RBMS3: variants seen among roughly 807,000 people sequenced by gnomAD.
RBMS3 encodes RNA-binding motif, single-stranded-interacting protein 3.
In RBMS3, 27 loss-of-function variants were observed where a neutral mutation model predicts 66.8. The observed-to-expected ratio is 0.40, with a 90% CI of 0.30 to 0.56. The LOEUF is 0.56. Among genes scored for constraint, RBMS3 ranks in the 20% least tolerant of loss-of-function variants. The pLI is 0.40. For missense variants in RBMS3, 513 were observed against 549.5 expected, an observed-to-expected ratio of 0.93 and a Z score of 0.66; for synonymous variants, 188 against 183.0, an observed-to-expected ratio of 1.03 and a Z score of -0.22.
chr3:29,634,280 G>A (rs1385730021), intron 4 of RBMS3, among the ~76,000 whole-genome samples: 1 of 151,858 alleles, frequency 6.6e-6, no homozygotes, highest in Non-Finnish European at 1.5e-5. Context: ...ATGTGCAATT[G>A]TCTGTGTTAA....
At chr3:29,875,654 T>A (rs2059595431) in intron 7 of RBMS3, among the ~76,000 whole-genome samples, 1 of 152,202 alleles carries the variant, frequency 6.6e-6, no homozygotes, top group Non-Finnish European at 1.5e-5. Flanking sequence ...AACACTGTTT[T>A]GTCTTTTTTA....
intron 7 of RBMS3, among the ~76,000 whole-genome samples, chr3:29,874,888 A>G (rs1241941936): frequency 6.6e-5 from 10 of 152,118 alleles, no homozygotes; most frequent in African/African-American, 2.4e-4. Flanking sequence ...AAATCCCTGT[A>G]CTAGTGTAAG....
chr3:29,903,927 A>G (rs910395402), intron 10 of RBMS3, among the ~76,000 whole-genome samples: 1 of 151,996 alleles, frequency 6.6e-6, no homozygotes, highest in African/African-American at 2.4e-5. Context: ...AAGAGAAAAT[A>G]TAAACTTCTT....
At chr3:29,803,955 AT>A (rs1357801296) in intron 6 of RBMS3, among the ~76,000 whole-genome samples, 2 of 151,974 alleles carry the variant, frequency 1.3e-5, no homozygotes, top group African/African-American at 2.4e-5. Context: ...TTCTATCTGT[AT>A]TTTTTTCTAA....
At chr3:29,377,091 G>GAA (rs149832447) in intron 1 of RBMS3, among the ~76,000 whole-genome samples, 101 of 138,898 alleles carry the variant, frequency 7.3e-4, no homozygotes, top group African/African-American at 2.4e-3. Context: ...CTCTGTCTCA[G>GAA]AAAAAAAAAA....
intron 12 of RBMS3, among the ~76,000 whole-genome samples, chr3:29,944,695 G>C (rs1040918778): frequency 6.6e-6 from 1 of 151,702 alleles, no homozygotes; most frequent in Non-Finnish European, 1.5e-5. Context: ...CATCCCATTT[G>C]CTTGCTCAGC....
At chr3:29,740,470 G>A (rs921296948) in intron 5 of RBMS3, among the ~76,000 whole-genome samples, 1 of 152,090 alleles carries the variant, frequency 6.6e-6, no homozygotes, top group Admixed American at 6.5e-5. Flanking sequence ...TCCTTTCATT[G>A]TAAGAAAAGG....
chr3:29,361,386 TC>T (rs1204761979), intron 1 of RBMS3, among the ~76,000 whole-genome samples: 1 of 152,212 alleles, frequency 6.6e-6, no homozygotes, highest in African/African-American at 2.4e-5. Flanking sequence ...CCCACTCTCT[TC>T]TGGCTTGTAG....
intron 1 of RBMS3, among the ~76,000 whole-genome samples, chr3:29,390,551 A>AC (rs2039241868): frequency 6.9e-6 from 1 of 144,458 alleles, no homozygotes; most frequent in Non-Finnish European, 1.5e-5. Flanking sequence ...ATCAAAGTTT[A>AC]TTTAAAAAAA....
intron 1 of RBMS3, among the ~76,000 whole-genome samples, chr3:29,383,329 A>G (rs1328552570): frequency 5.3e-5 from 8 of 152,248 alleles, no homozygotes; most frequent in African/African-American, 1.9e-4. Flanking sequence ...AGGAAGAATT[A>G]CAATGCAGAG....
chr3:29,530,883 A>T (rs1452774713), intron 3 of RBMS3, among the ~76,000 whole-genome samples: 4 of 152,012 alleles, frequency 2.6e-5, no homozygotes, highest in Non-Finnish European at 5.9e-5. Context: ...AAAAAAAAAA[A>T]AAAGTGTTTC....
chr3:29,476,508 G>A (rs2042952438), intron 2 of RBMS3, among the ~76,000 whole-genome samples: 1 of 152,120 alleles, frequency 6.6e-6, no homozygotes, highest in Non-Finnish European at 1.5e-5. Context: ...CTAAAGACTG[G>A]ACAATGGGCT....
At chr3:29,845,430 T>C (rs2058753936) in intron 6 of RBMS3, among the ~76,000 whole-genome samples, 1 of 152,218 alleles carries the variant, frequency 6.6e-6, no homozygotes, top group East Asian at 1.9e-4. Flanking sequence ...ATTGCTATCA[T>C]GCATTTATAT....
At chr3:29,560,596 A>G (rs2046515395) in intron 3 of RBMS3, among the ~76,000 whole-genome samples, 1 of 152,248 alleles carries the variant, frequency 6.6e-6, no homozygotes, top group Admixed American at 6.5e-5. Context: ...AACACCGCAT[A>G]TACAGCAAGT....
chr3:29,488,476 A>C lies in RBMS3; in HGVS notation c.284A>C (p.Asp95Ala), dbSNP rs542394951. The change falls in exon 3 of 15, where the codon GAC becomes GCC. Residue 95 changes from aspartate (D) to alanine (A), a missense_variant. Transcript: ENST00000383767. ...ATTGTATCTACAAAGGCAATTCTTG[A>C]CAAAAACACAAATCAGTGCAAAGGT... The part of the protein sequence containing the change: ...GKIVSTKAIL[D>A]KNTNQCKGYG... 2 of 1,612,308 alleles carry C rather than the reference A, an allele frequency of 1.2e-6. No homozygotes were observed. The highest frequency in any genetic ancestry group is 1.7e-6 in the Non-Finnish European group (2 of 1,178,406).
intron 1 of RBMS3, among the ~76,000 whole-genome samples, chr3:29,420,621 CTTG>C (rs1176670726): frequency 3.4e-5 from 5 of 147,286 alleles, no homozygotes; most frequent in African/African-American, 1.3e-4. Flanking sequence ...GGGCTTTTCC[CTTG>C]TTTTTTTTTT....
intron 1 of RBMS3, among the ~76,000 whole-genome samples, chr3:29,332,603 C>T (rs2035728782): frequency 1.3e-5 from 2 of 152,144 alleles, no homozygotes; most frequent in Admixed American, 6.6e-5. Flanking sequence ...GGTGTCAATG[C>T]CTCCTTCAGT....
intron 1 of RBMS3, among the ~76,000 whole-genome samples, chr3:29,385,724 G>T (rs2038981423): frequency 6.6e-6 from 1 of 151,958 alleles, no homozygotes; most frequent in African/African-American, 2.4e-5. Flanking sequence ...CTCCTCCATT[G>T]ATTTTATTCA....
chr3:29,475,187 ATAAT>A (rs2042901036), intron 2 of RBMS3, among the ~76,000 whole-genome samples: 1 of 152,122 alleles, frequency 6.6e-6, no homozygotes, highest in Admixed American at 6.5e-5. Context: ...ATTAAGAGGA[ATAAT>A]TAGTCAAGTA....
Sources: gnomAD v4.1 joint callset for allele counts (sites outside exome capture counted in the v4.1 genomes callset) on GRCh38, gnomAD v4.1.1 for gene constraint, MANE v1.5 for transcripts, NCBI Gene and HGNC (gene_info 2026-07-23, HGNC 2026-07-21) for gene names.